ABCG1: variants seen among roughly 807,000 people sequenced by gnomAD.
ABCG1 encodes ATP binding cassette subfamily G member 1, also known as ATP-binding cassette sub-family G member 1.
ABCG1 carries 29 observed loss-of-function variants against 69.2 expected under a neutral mutation model. That is an observed-to-expected ratio of 0.42 (90% CI 0.31 to 0.57). ABCG1 has a LOEUF of 0.57. Ranked by LOEUF, ABCG1 falls within the 20% of genes least tolerant of loss-of-function variation. The pLI is 0.15. For missense variants in ABCG1, 718 were observed against 898.1 expected, an observed-to-expected ratio of 0.80 and a Z score of 2.56; for synonymous variants, 370 against 374.8, an observed-to-expected ratio of 0.99 and a Z score of 0.15.
intron 2 of ABCG1, among the ~76,000 whole-genome samples, chr21:42,269,909 T>G (rs1299274539): frequency 6.6e-6 from 1 of 152,194 alleles, no homozygotes; most frequent in African/African-American, 2.4e-5. Flanking sequence ...GTGTGGAAGC[T>G]AAAATGGCAT....
At chr21:42,281,259 G>A (rs939837743) in intron 5 of ABCG1, among the ~76,000 whole-genome samples, 4 of 152,172 alleles carry the variant, frequency 2.6e-5, no homozygotes, top group African/African-American at 7.2e-5. Flanking sequence ...CCCAGGGGCC[G>A]GCCACCACAG....
upstream of ABCG1, among the ~76,000 whole-genome samples, chr21:42,215,732 G>A (rs1161916535): frequency 6.6e-6 from 1 of 152,240 alleles, no homozygotes; most frequent in African/African-American, 2.4e-5. Context: ...CTGGTCCAGA[G>A]AACAAGGGTC....
intron 2 of ABCG1, among the ~76,000 whole-genome samples, chr21:42,243,468 G>C (rs1018462536): frequency 5.3e-5 from 8 of 150,648 alleles, no homozygotes; most frequent in Admixed American, 4.6e-4. Context: ...GTGTGTGTGT[G>C]TGTGTGTGTG....
At chr21:42,211,964 G>A (rs921355246), upstream of ABCG1, among the ~76,000 whole-genome samples, 4 of 152,068 alleles carry the variant, frequency 2.6e-5, no homozygotes, top group African/African-American at 7.2e-5. Flanking sequence ...AAGTGATTAG[G>A]CCATGAGGAA....
chr21:42,257,983 CT>C (rs2068335028), intron 2 of ABCG1, among the ~76,000 whole-genome samples: 1 of 138,826 alleles, frequency 7.2e-6, no homozygotes, highest in Non-Finnish European at 1.6e-5. Flanking sequence ...CCTTCATTTA[CT>C]CCATCCATCC....
chr21:42,207,318 T>C (rs1432336507), intron 2 of ABCG1, among the ~76,000 whole-genome samples: 2 of 152,234 alleles, frequency 1.3e-5, no homozygotes, highest in Non-Finnish European at 2.9e-5. Flanking sequence ...ATTGTTCCAT[T>C]TCCCAGTTTA....
chr21:42,287,674 G>A lies in ABCG1; in HGVS notation c.974-215G>A, dbSNP rs185099236. On this transcript the variant is annotated intron_variant, in intron 8 of 14. Transcript: ENST00000398449. The surrounding 1 kb of genome is among the most constrained non-coding windows in gnomAD (Gnocchi z 6.2). Reference sequence around the variant, plus strand: ...CACTGACAGCACAGTGTGTGTTTGCGTTTCCCGTCTCCTGACATGATAAAG... The same window carrying A: ...CACTGACAGCACAGTGTGTGTTTGCATTTCCCGTCTCCTGACATGATAAAG... 1.8e-4 allele frequency among the ~76,000 whole-genome samples: 28 copies of A among 152,336 alleles called. No homozygotes were observed. The East Asian group carries it at 4.4e-3, about 24-fold the overall frequency.
Position 42,288,166 on chromosome 21 carries a change from C to T in ABCG1, c.1123-45C>T. ...CTTTCCGAGCAAGAAGGAGCCGTGGCTCCGGACTGGCTTTCACCCGCTCCC... is the reference window on the plus strand; with the variant it reads ...CTTTCCGAGCAAGAAGGAGCCGTGGTTCCGGACTGGCTTTCACCCGCTCCC... On this transcript the variant is annotated intron_variant, in intron 9 of 14. Transcript: ENST00000398449. This position sits in a 1 kb window ranked among gnomAD's most constrained non-coding sequence, Gnocchi z 4.8. 6.2e-7 allele frequency: 1 copy of T among 1,611,422 alleles called. No homozygotes were observed. The highest frequency in any genetic ancestry group is 8.5e-7 in the Non-Finnish European group (1 of 1,177,486).
At chr21:42,269,830 G>C (rs1325407454) in intron 2 of ABCG1, among the ~76,000 whole-genome samples, 1 of 152,206 alleles carries the variant, frequency 6.6e-6, no homozygotes, top group African/African-American at 2.4e-5. Context: ...TGGGGACCGG[G>C]AGAAAGTCTA....
chr21:42,272,846 C>T (rs970049366), intron 3 of ABCG1, among the ~76,000 whole-genome samples: 2 of 152,218 alleles, frequency 1.3e-5, no homozygotes, highest in African/African-American at 4.8e-5. Flanking sequence ...CTGCTCCTTC[C>T]CAGGCCTGAA....
chr21:42,216,462 T>C (rs1481517813), upstream of ABCG1, among the ~76,000 whole-genome samples: 1 of 152,166 alleles, frequency 6.6e-6, no homozygotes, highest in Non-Finnish European at 1.5e-5. Context: ...AGGGTCCCAT[T>C]GGGGTTAACC....
chr21:42,259,560 G>A lies in ABCG1; in HGVS notation c.287-11510G>A, dbSNP rs1266494127. On this transcript the variant is annotated intron_variant, in intron 2 of 14. Transcript: ENST00000398449. Reference sequence around the variant, plus strand: ...TCATCATGTGGGCCCTCAGGCTATGGAGGCAAATCGAGTGGCATTGCCTCT... The same window carrying A: ...TCATCATGTGGGCCCTCAGGCTATGAAGGCAAATCGAGTGGCATTGCCTCT... 4 of 1,498,528 alleles carry A rather than the reference G, an allele frequency of 2.7e-6. No individual in the cohort carries two copies. In the East Asian group the frequency reaches 7.4e-5, roughly 28 times the overall value. The allele number at this position is 1,498,528 out of a possible 1,614,324, so 92.8% of individuals were successfully genotyped here. A position where few individuals can be genotyped will look rare whatever the true frequency, so the allele number is the denominator to read the frequency against.
intron 13 of ABCG1, among the ~76,000 whole-genome samples, chr21:42,294,162 C>T (rs925044756): frequency 4.6e-5 from 7 of 152,156 alleles, no homozygotes; most frequent in East Asian, 1.9e-4. Context: ...GTGCCCCGAC[C>T]GAAGGGGTGC....
At chr21:42,238,742 C>T (rs542452627) in intron 2 of ABCG1, among the ~76,000 whole-genome samples, 26 of 152,294 alleles carry the variant, frequency 1.7e-4, no homozygotes, top group African/African-American at 6.3e-4. Flanking sequence ...ATGTTATCAG[C>T]TCCTGCGTGT....
Position 42,288,261 on chromosome 21 carries a change from G to A in ABCG1, c.1173G>A (p.Thr391=), listed in dbSNP as rs146483452. ...ACAGCTTCTCTGCCAGCTGCCTCACGCAGTTCTGCATCCTCTTCAAGAGGA... is the reference window on the plus strand; with the variant it reads ...ACAGCTTCTCTGCCAGCTGCCTCACACAGTTCTGCATCCTCTTCAAGAGGA... ...GCHSFSASCL[T]QFCILFKRTF... The change falls in exon 10 of 15, where the codon ACG becomes ACA. Residue 391 remains threonine, a synonymous_variant. Coordinates refer to ENST00000398449, the MANE Select transcript of ABCG1 (RefSeq NM_016818.3). This position sits in a 1 kb window ranked among gnomAD's most constrained non-coding sequence, Gnocchi z 4.8. 1.3e-4 allele frequency: 204 copies of A among 1,614,068 alleles called. No homozygotes were observed. The highest frequency in any genetic ancestry group is 3.1e-5 in the Non-Finnish European group (37 of 1,180,034).
At chr21:42,243,454 G>A (rs1259566874) in intron 2 of ABCG1, among the ~76,000 whole-genome samples, 2 of 129,830 alleles carry the variant, frequency 1.5e-5, no homozygotes, top group South Asian at 2.3e-4. Context: ...GCGCGTGTGT[G>A]TGTGTGTGTG....
chr21:42,277,900 A>G (rs1444421681), intron 5 of ABCG1, among the ~76,000 whole-genome samples: 1 of 152,184 alleles, frequency 6.6e-6, no homozygotes, highest in Non-Finnish European at 1.5e-5. Flanking sequence ...AATATTAAGT[A>G]AATGTAAACC....
At chr21:42,228,638 C>T (rs1480745099) in intron 2 of ABCG1, among the ~76,000 whole-genome samples, 4 of 152,212 alleles carry the variant, frequency 2.6e-5, no homozygotes, top group East Asian at 1.9e-4. Flanking sequence ...GACACAGTGG[C>T]CATGCCTTGT....
Position 42,285,861 on chromosome 21 carries a change from T to TC in ABCG1, c.859-18dup. The TC allele has an allele frequency of 6.3e-7, 1 of 1,582,762 alleles. No homozygotes were observed. Among genetic ancestry groups the TC allele is most frequent in the East Asian group, 2.2e-5 (1 of 44,720 alleles). On this transcript the variant is annotated intron_variant, in intron 7 of 14. Transcript: ENST00000398449. ...AGGAAGGCAGGGCTTGATCCCTTTT[T>TC]CTCCTTCCTTTTTTCCAGCTTTACG...
Sources: gnomAD v4.1 joint callset for allele counts (sites outside exome capture counted in the v4.1 genomes callset) on GRCh38, gnomAD v4.1.1 for gene constraint, Gnocchi (gnomAD v3.1) non-coding constraint, MANE v1.5 for transcripts, NCBI Gene and HGNC (gene_info 2026-07-23, HGNC 2026-07-21) for gene names.